The following ZW10 variants were observed in gnomAD, a reference collection of about 807,000 sequenced individuals.
The protein encoded by ZW10 is zw10 kinetochore protein.
ZW10 carries 53 observed loss-of-function variants against 87.8 expected under a neutral mutation model. That is an observed-to-expected ratio of 0.60 (90% confidence interval 0.48 to 0.76). The LOEUF (loss-of-function observed/expected upper bound fraction) is 0.76. Among genes scored for constraint, ZW10 ranks in the 30% least tolerant of loss-of-function variants. ZW10 has a pLI of 0.00. For synonymous variants in ZW10, 312 were observed against 329.2 expected (o/e 0.95, Z 0.57); for missense variants, 837 against 923.0 (o/e 0.91, Z 1.21).
intron 3 of ZW10, 103 bp from the exon 4 acceptor site, chr11:113,760,693 A>C: frequency 1.2e-6 from 1 of 856,664 alleles, no homozygotes; most frequent in Non-Finnish European, 1.6e-6. Flanking sequence ...CCCCCCTCTA[A>C]AAAAAAAAAA....
intron 2 of ZW10, among the ~76,000 whole-genome samples, chr11:113,762,465 C>T (rs1953871605): frequency 6.6e-6 from 1 of 151,926 alleles, no homozygotes; most frequent in Admixed American, 6.6e-5. Context: ...TAAAAATTTT[C>T]TTTCTTCATA....
At chr11:113,769,813 T>A in intron 1 of ZW10, 1 of 402,482 alleles carries the variant, frequency 2.5e-6, no homozygotes, top group Non-Finnish European at 4.8e-6. Context: ...TTCCACTGCA[T>A]ATAATTTTGC....
At chr11:113,737,847 A>G in intron 13 of ZW10, 144 bp from the exon 14 acceptor site, 1 of 931,512 alleles carries the variant, frequency 1.1e-6, no homozygotes, top group South Asian at 2.1e-5. Flanking sequence ...ATGCTTCTTG[A>G]ACATTTAACC....
chr11:113,767,049 T>C (rs1030480941), intron 2 of ZW10, among the ~76,000 whole-genome samples: 1 of 152,032 alleles, frequency 6.6e-6, no homozygotes, highest in Admixed American at 6.6e-5. Flanking sequence ...CATGAAACTT[T>C]AGCAGGCTAA....
At position 113,738,363 on chromosome 11, in the gene ZW10, T is replaced by G. The variant is rs377362404; in HGVS notation, c.1785A>C (p.Ala595=). ...ATCTTTCCAGAAGTTCACCTTTCTGTGCCCGCATTTGGGCCAAAAAGCATT... is the reference window on the plus strand; with the variant it reads ...ATCTTTCCAGAAGTTCACCTTTCTGGGCCCGCATTTGGGCCAAAAAGCATT... ...GTECFLAQMR[A]QKGELLERLS... Residue 595 remains alanine, a synonymous_variant, in exon 13 of 16, where the codon GCA becomes GCC. Coordinates refer to ENST00000200135, the MANE Select transcript of ZW10 (RefSeq NM_004724.4). The G allele has an allele frequency of 2.5e-6, 4 of 1,613,270 alleles. No individual in the cohort carries two copies. Among genetic ancestry groups the G allele is most frequent in the Non-Finnish European group, 3.4e-6 (4 of 1,179,764 alleles).
intron 14 of ZW10, 88 bp downstream of exon 14, chr11:113,737,484 A>G (rs1953566518): frequency 2.2e-6 from 3 of 1,358,850 alleles, no homozygotes; most frequent in Non-Finnish European, 2.9e-6. Context: ...AAACATGAAC[A>G]ATTTCTTCAA....
chr11:113,743,869 A>C lies in ZW10; in HGVS notation c.1444T>G (p.Ser482Ala). Residue 482 changes from serine to alanine, a missense_variant, in exon 10 of 16, where the codon TCT becomes GCT. By Grantham distance (99) the Ser-to-Ala change is moderately conservative (BLOSUM62 1). Coordinates refer to ENST00000200135, the MANE Select transcript of ZW10 (RefSeq NM_004724.4). ...FSLPTCRISE[S>A]VKKLMELAYQ... Reference sequence around the variant, plus strand: ...GCGAGTTCCATTAATTTCTTCACAGACTCACTGATACGGCATGTGGGCAAG... The same window carrying C: ...GCGAGTTCCATTAATTTCTTCACAGCCTCACTGATACGGCATGTGGGCAAG... The C allele has an allele frequency of 6.2e-7, 1 of 1,614,026 alleles. No individual in the cohort carries two copies. Among genetic ancestry groups the C allele is most frequent in the Non-Finnish European group, 8.5e-7 (1 of 1,180,022 alleles).
At position 113,748,322 on chromosome 11, in the gene ZW10, G is replaced by A. The variant is rs1850608914; in HGVS notation, c.1024C>T (p.Leu342Phe). ...DMIWEDLSEC[L>F]IKNCLVYSIP... ...GAATAAACCAAACAGTTTTTGATGA[G>A]GCACTCAGACAAGTCCTCCCAGATC... is the stretch of plus-strand genomic sequence containing the variant. The change falls in exon 8 of 16, where the codon CTC (leucine) becomes TTC (phenylalanine). Residue 342 changes from leucine to phenylalanine, a missense_variant. Physicochemically the swap from Leu to Phe is conservative, Grantham distance 22 (BLOSUM62 0). Transcript: ENST00000200135. 2 of 1,613,426 alleles carry A rather than the reference G, an allele frequency of 1.2e-6. No individual in the cohort carries two copies. The highest frequency in any genetic ancestry group is 1.7e-6 in the Non-Finnish European group (2 of 1,179,758).
intron 5 of ZW10, among the ~76,000 whole-genome samples, chr11:113,759,182 C>T (rs1183304771): frequency 1.3e-5 from 2 of 151,922 alleles, no homozygotes; most frequent in African/African-American, 4.8e-5. Context: ...GGCGACAGAG[C>T]GAGACCCTGT....
At chr11:113,741,641 C>T in intron 11 of ZW10, 53 bp downstream of exon 11, 3 of 1,218,854 alleles carry the variant, frequency 2.5e-6, no homozygotes, top group South Asian at 1.6e-5. Context: ...AACTTAACTT[C>T]CACATCTTAG....
intron 12 of ZW10, 67 bp from the exon 13 acceptor site, chr11:113,738,461 G>A: frequency 1.4e-6 from 2 of 1,463,572 alleles, no homozygotes; most frequent in Admixed American, 2.1e-5. Flanking sequence ...AACCAGGATA[G>A]ACAAGAGATG....
intron 2 of ZW10, among the ~76,000 whole-genome samples, chr11:113,766,755 G>T (rs948527885): frequency 7.0e-6 from 1 of 142,510 alleles, no homozygotes; most frequent in East Asian, 2.1e-4. Flanking sequence ...AGTGGCTCAC[G>T]CCCGTAATCC....
chr11:113,734,761 C>T (rs1397502827), intron 15 of ZW10, among the ~76,000 whole-genome samples: 1 of 151,364 alleles, frequency 6.6e-6, no homozygotes, highest in African/African-American at 2.4e-5. Flanking sequence ...GCCAATATCA[C>T]ACCACTGCAC....
At chr11:113,772,969 T>TC (rs1393957211) in intron 1 of ZW10, among the ~76,000 whole-genome samples, 1 of 150,904 alleles carries the variant, frequency 6.6e-6, no homozygotes, top group Non-Finnish European at 1.5e-5. Context: ...AGAGCAAGAC[T>TC]CCATCTCAAA....
In ZW10 at chr11:113,744,034, G is replaced by C. The variant is rs1374435620; in HGVS notation, c.1279C>G (p.Pro427Ala). The change falls in exon 10 of 16, where the codon CCT becomes GCT. Residue 427 changes from proline to alanine, a missense_variant. Pro to Ala is a conservative substitution (Grantham distance 27). Coordinates refer to ENST00000200135, the MANE Select transcript of ZW10 (RefSeq NM_004724.4). ...SEIHNTVKIIPDSKINVPELP... is the reference protein window; with the variant it reads ...SEIHNTVKIIADSKINVPELP... ...TCTGGCACATTTATCTTAGAATCAG[G>C]AATAATCTAAGATTCAAACACAAAA... The C allele has an allele frequency of 1.2e-6, 2 of 1,601,630 alleles. No individual in the cohort carries two copies. Among genetic ancestry groups the C allele is most frequent in the Non-Finnish European group, 1.7e-6 (2 of 1,169,404 alleles).
intron 9 of ZW10, among the ~76,000 whole-genome samples, chr11:113,747,131 T>G (rs1953686554): frequency 6.6e-6 from 1 of 152,206 alleles, no homozygotes; most frequent in Non-Finnish European, 1.5e-5. Flanking sequence ...AACTAGTCTC[T>G]CTATTAGATG....
At chr11:113,763,552 C>T (rs965471561) in intron 2 of ZW10, among the ~76,000 whole-genome samples, 1 of 152,164 alleles carries the variant, frequency 6.6e-6, no homozygotes, top group Non-Finnish European at 1.5e-5. Context: ...TTTTAATAAT[C>T]GCCATTCTGA....
chr11:113,733,746 G>C lies in ZW10; in HGVS notation c.2288C>G (p.Ala763Gly), dbSNP rs145667481. 8.7e-6 allele frequency: 14 copies of C among 1,613,924 alleles called. No homozygotes were observed. In the African/African-American group the frequency reaches 1.9e-4, roughly 22 times the overall value. Residue 763 changes from alanine to glycine, a missense_variant, in exon 16 of 16, where the codon GCC (alanine) becomes GGC (glycine). Physicochemically the swap from Ala to Gly is moderately conservative, Grantham distance 60. Transcript: ENST00000200135. ...TCTTCTTTCTGTGTTCTGAAACAAG[G>C]CACGAATTAAAGCTTTTACTTCACT... ...SSSEVKALIR[A>G]LFQNTERRAA...
At chr11:113,767,857 A>T (rs186791314) in intron 2 of ZW10, among the ~76,000 whole-genome samples, 1 of 152,270 alleles carries the variant, frequency 6.6e-6, no homozygotes, top group African/African-American at 2.4e-5. Context: ...CAACAGTGAC[A>T]TCTCTCTATT....
Sources: allele counts gnomAD v4.1 joint callset (sites outside exome capture counted in the v4.1 genomes callset), GRCh38; gene constraint gnomAD v4.1.1; transcripts MANE v1.5; gene names NCBI Gene and HGNC (gene_info 2026-07-23, HGNC 2026-07-21).